Variants in F13A1 observed in about 807,000 individuals in gnomAD.
The protein encoded by F13A1 is FSF, A subunit.
Under a neutral mutation model 80.1 loss-of-function variants are expected in F13A1, and 47 were observed. That is an observed-to-expected ratio of 0.59 (90% confidence interval 0.46 to 0.75). The LOEUF (loss-of-function observed/expected upper bound fraction) is 0.75. Among genes scored for constraint, F13A1 ranks in the 30% least tolerant of loss-of-function variants. The pLI is 0.00. For synonymous variants in F13A1, 349 were observed against 344.9 expected, an observed-to-expected ratio of 1.01 and a Z score of -0.13; for missense variants, 817 against 930.4, an observed-to-expected ratio of 0.88 and a Z score of 1.59.
intron 13 of F13A1, among the ~76,000 whole-genome samples, chr6:6,163,187 T>C (rs184035866): frequency 2.8e-3 from 432 of 152,318 alleles, no homozygotes; most frequent in Non-Finnish European, 5.2e-3. Flanking sequence ...CAGTCAGTTG[T>C]GTGTCCATCC....
chr6:6,173,406 TTTC>T (rs979442948), intron 12 of F13A1, among the ~76,000 whole-genome samples: 6 of 42,418 alleles, frequency 1.4e-4, no homozygotes, highest in African/African-American at 7.2e-4. Context: ...CCTCCATTCT[TTTC>T]TTTTTTTTTT....
intron 3 of F13A1, among the ~76,000 whole-genome samples, chr6:6,295,726 C>G (rs1429910669): frequency 7.0e-6 from 1 of 142,714 alleles, no homozygotes; most frequent in Non-Finnish European, 1.5e-5. Flanking sequence ...GTTTCTTTTG[C>G]TGTGCAGAAG....
chr6:6,211,890 C>G (rs552094398), intron 8 of F13A1, among the ~76,000 whole-genome samples: 1 of 152,256 alleles, frequency 6.6e-6, no homozygotes, highest in Non-Finnish European at 1.5e-5. Context: ...CAGGGAGTTC[C>G]CTTCCCGAGT....
At chr6:6,153,735 G>A (rs994899768) in intron 13 of F13A1, among the ~76,000 whole-genome samples, 5 of 152,140 alleles carry the variant, frequency 3.3e-5, no homozygotes, top group African/African-American at 1.2e-4. Flanking sequence ...GGTGGATCCT[G>A]TAATTCATTT....
chr6:6,169,555 C>G (rs1274152081), intron 12 of F13A1: 1 of 153,514 alleles, frequency 6.5e-6, no homozygotes, highest in Non-Finnish European at 1.5e-5. Flanking sequence ...CCCATCAATC[C>G]CTGGAAAACT....
intron 12 of F13A1, chr6:6,169,406 AC>A (rs1273896718): frequency 6.5e-6 from 1 of 154,066 alleles, no homozygotes; most frequent in East Asian, 1.9e-4. Context: ...TTTGAATAAG[AC>A]CCCAGACAAT....
intron 3 of F13A1, among the ~76,000 whole-genome samples, chr6:6,276,584 T>G (rs1255779000): frequency 1.3e-5 from 2 of 152,242 alleles, no homozygotes; most frequent in African/African-American, 4.8e-5. Context: ...ATGGGAAAAC[T>G]GAGGCTCAGG....
chr6:6,224,028 T>C (rs1757237661), intron 7 of F13A1, among the ~76,000 whole-genome samples: 1 of 152,146 alleles, frequency 6.6e-6, no homozygotes, highest in Admixed American at 6.6e-5. Context: ...CTCTGAAAAA[T>C]GATGCATGAC....
chr6:6,254,940 C>T (rs62408030), intron 4 of F13A1, among the ~76,000 whole-genome samples: 11,083 of 152,106 alleles, frequency 0.073, 526 homozygotes, highest in Non-Finnish European at 0.099. Flanking sequence ...AGTGAAGCTA[C>T]CCATTTAAAA....
At chr6:6,230,710 C>T (rs905829186) in intron 6 of F13A1, among the ~76,000 whole-genome samples, 12 of 152,186 alleles carry the variant, frequency 7.9e-5, no homozygotes, top group South Asian at 2.1e-4. Flanking sequence ...CCACCTCCAC[C>T]GGAATAGGCG....
intron 12 of F13A1, 30 bp from the exon 13 acceptor site, chr6:6,167,648 C>T: frequency 6.2e-7 from 1 of 1,611,170 alleles, no homozygotes; most frequent in Non-Finnish European, 8.5e-7. Flanking sequence ...ACAGGCCTGG[C>T]ATCAAGACTT....
intron 13 of F13A1, among the ~76,000 whole-genome samples, chr6:6,156,598 T>C (rs1378538382): frequency 6.6e-6 from 1 of 152,198 alleles, no homozygotes; most frequent in Non-Finnish European, 1.5e-5. Flanking sequence ...TTTTTGATAA[T>C]GGGCAATTTC....
At chr6:6,211,426 CTG>C (rs1761606708) in intron 8 of F13A1, among the ~76,000 whole-genome samples, 1 of 152,206 alleles carries the variant, frequency 6.6e-6, no homozygotes, top group African/African-American at 2.4e-5. Context: ...TCTCTGATAA[CTG>C]TCCAGAATTG....
intron 4 of F13A1, among the ~76,000 whole-genome samples, chr6:6,263,262 C>G (rs78515764): frequency 0.093 from 14,233 of 152,274 alleles, 884 homozygotes; most frequent in South Asian, 0.25. Context: ...CCATGACCAT[C>G]TCCCTGGCTT....
chr6:6,240,664 C>G (rs1371180652), intron 6 of F13A1, among the ~76,000 whole-genome samples: 1 of 152,202 alleles, frequency 6.6e-6, no homozygotes, highest in Non-Finnish European at 1.5e-5. Flanking sequence ...TATGAAGATA[C>G]TTTCTGTTAG....
At chr6:6,196,988 A>C (rs1001236345) in intron 9 of F13A1, among the ~76,000 whole-genome samples, 2 of 152,244 alleles carry the variant, frequency 1.3e-5, no homozygotes, top group Non-Finnish European at 2.9e-5. Context: ...GAATGGATGA[A>C]TTATACGTTG....
chr6:6,195,464 T>C (rs1761273278), intron 10 of F13A1, among the ~76,000 whole-genome samples: 1 of 152,186 alleles, frequency 6.6e-6, no homozygotes, highest in African/African-American at 2.4e-5. Context: ...TCATGACCCA[T>C]CTCTTCCAAT....
intron 6 of F13A1, among the ~76,000 whole-genome samples, chr6:6,247,499 T>C (rs1757570194): frequency 2.0e-5 from 3 of 152,202 alleles, no homozygotes; most frequent in African/African-American, 7.2e-5. Context: ...TACATTGATA[T>C]AATCCAGGAC....
chr6:6,305,179 G>T, intron 3 of F13A1, 172 bp downstream of exon 3: 1 of 733,344 alleles, frequency 1.4e-6, no homozygotes, highest in Non-Finnish European at 2.4e-6. Context: ...ATCAATATTT[G>T]GCACTATACA....
Sources: gnomAD v4.1 joint callset for allele counts (sites outside exome capture counted in the v4.1 genomes callset) on GRCh38, gnomAD v4.1.1 for gene constraint, MANE v1.5 for transcripts, NCBI Gene and HGNC (gene_info 2026-07-23, HGNC 2026-07-21) for gene names.